RCOR1: variants seen among roughly 807,000 people sequenced by gnomAD.
RCOR1 encodes the protein REST corepressor.
RCOR1 carries 12 observed loss-of-function variants against 64.0 expected under a neutral mutation model. That is an observed-to-expected ratio of 0.19 (90% CI 0.12 to 0.30). The LOEUF is 0.30. Ranked by LOEUF, RCOR1 falls within the 10% of genes least tolerant of loss-of-function variation. The pLI is 1.00. For missense variants in RCOR1, 502 were observed against 621.2 expected, an observed-to-expected ratio of 0.81 and a Z score of 2.04; for synonymous variants, 279 against 227.2, an observed-to-expected ratio of 1.23 and a Z score of -2.05.
intron 5 of RCOR1, among the ~76,000 whole-genome samples, chr14:102,707,983 T>TTTA (rs1895888845): frequency 1.5e-5 from 2 of 133,646 alleles, no homozygotes; most frequent in Admixed American, 7.2e-5. Flanking sequence ...TTTTTTTTTT[T>TTTA]GAGATGGAGT....
At chr14:102,684,135 C>T (rs1354660005) in intron 3 of RCOR1, among the ~76,000 whole-genome samples, 2 of 152,210 alleles carry the variant, frequency 1.3e-5, no homozygotes, top group African/African-American at 4.8e-5. Context: ...CGGGAGGCCC[C>T]AGCACCCCTG....
chr14:102,718,609 G>A (rs1270560388), intron 8 of RCOR1, among the ~76,000 whole-genome samples: 1 of 152,080 alleles, frequency 6.6e-6, no homozygotes, highest in African/African-American at 2.4e-5. Flanking sequence ...GTCTAGGTAG[G>A]GCGTCAGGAC....
chr14:102,603,149 A>G (rs1439692388), intron 2 of RCOR1, among the ~76,000 whole-genome samples: 1 of 150,182 alleles, frequency 6.7e-6, no homozygotes, highest in East Asian at 2.0e-4. Context: ...GCGTGATCAT[A>G]GCGTACTGTA....
At chr14:102,634,956 C>T (rs1567416109) in intron 2 of RCOR1, among the ~76,000 whole-genome samples, 1 of 151,562 alleles carries the variant, frequency 6.6e-6, no homozygotes, top group Non-Finnish European at 1.5e-5. Context: ...GATCCGCCCA[C>T]CTCGGCCTCC....
intron 2 of RCOR1, among the ~76,000 whole-genome samples, chr14:102,639,290 G>T (rs1476674440): frequency 2.5e-5 from 3 of 121,364 alleles, no homozygotes; most frequent in Non-Finnish European, 5.1e-5. Flanking sequence ...TTTGAGACAA[G>T]ATCTCTTTTT....
intron 2 of RCOR1, chr14:102,649,760 G>A: frequency 1.0e-6 from 1 of 984,116 alleles, no homozygotes; most frequent in African/African-American, 1.7e-5. Flanking sequence ...CCATTTAGTT[G>A]CTTATATTAG....
chr14:102,679,520 C>T (rs1006733609), intron 2 of RCOR1, among the ~76,000 whole-genome samples: 4 of 151,546 alleles, frequency 2.6e-5, no homozygotes, highest in African/African-American at 9.7e-5. Flanking sequence ...GCTCTGTCAC[C>T]CAGGCTGGAG....
intron 2 of RCOR1, among the ~76,000 whole-genome samples, chr14:102,656,685 T>G (rs1389512251): frequency 6.6e-6 from 1 of 152,128 alleles, no homozygotes; most frequent in Non-Finnish European, 1.5e-5. Context: ...GCCAGGCTGG[T>G]CTTGAACTTC....
intron 2 of RCOR1, among the ~76,000 whole-genome samples, chr14:102,603,211 G>T (rs572714535): frequency 1.3e-5 from 2 of 152,004 alleles, no homozygotes; most frequent in African/African-American, 2.4e-5. Context: ...TTCTGGAGTA[G>T]TTTGGACTAC....
At chr14:102,629,696 A>G (rs1007287955) in intron 2 of RCOR1, among the ~76,000 whole-genome samples, 3 of 152,204 alleles carry the variant, frequency 2.0e-5, no homozygotes, top group Non-Finnish European at 4.4e-5. Context: ...ACAATTCTGA[A>G]GGCACCTTGC....
intron 6 of RCOR1, among the ~76,000 whole-genome samples, chr14:102,709,371 G>C (rs1212485804): frequency 6.6e-6 from 1 of 152,134 alleles, no homozygotes; most frequent in Non-Finnish European, 1.5e-5. Flanking sequence ...TGTTAGGGTG[G>C]TGAGATATAT....
At chr14:102,686,024 C>T (rs572274822) in intron 3 of RCOR1, among the ~76,000 whole-genome samples, 2 of 152,036 alleles carry the variant, frequency 1.3e-5, no homozygotes, top group Admixed American at 1.3e-4. Flanking sequence ...TCCCAGTTAC[C>T]CTGATTTGAT....
Position 102,667,027 on chromosome 14 carries a change from A to G in RCOR1, c.362-14868A>G, listed in dbSNP as rs765947073. Among the ~76,000 whole-genome samples the G allele has an allele frequency of 2.0e-4, 31 of 152,116 alleles. 1 individual carries two copies. Among genetic ancestry groups the G allele is most frequent in the Admixed American group, 1.4e-3 (21 of 15,278 alleles). ...CTCAGGAAGGACTTTTAACGTGGAA[A>G]GTGATTTGATCAGAATTATGTTCCA... On this transcript the variant is annotated intron_variant, in intron 2 of 11. Transcript: ENST00000262241.
chr14:102,599,334 G>A (rs1052153702), intron 2 of RCOR1, among the ~76,000 whole-genome samples: 7 of 152,092 alleles, frequency 4.6e-5, no homozygotes, highest in Non-Finnish European at 7.4e-5. Flanking sequence ...GTTTTGCCAC[G>A]TAGTCCAGGC....
At chr14:102,686,490 T>C (rs1895422781) in intron 3 of RCOR1, among the ~76,000 whole-genome samples, 1 of 152,214 alleles carries the variant, frequency 6.6e-6, no homozygotes, top group South Asian at 2.1e-4. Context: ...GCTTCACTCT[T>C]GTGTTGTATG....
intron 2 of RCOR1, among the ~76,000 whole-genome samples, chr14:102,614,099 T>G (rs1365992808): frequency 6.6e-6 from 1 of 151,826 alleles, no homozygotes; most frequent in East Asian, 1.9e-4. Flanking sequence ...TTCTCCATGT[T>G]GGTCAGGCTG....
At chr14:102,623,383 ATTTATTAT>A (rs1473836504) in intron 2 of RCOR1, among the ~76,000 whole-genome samples, 4 of 125,388 alleles carry the variant, frequency 3.2e-5, no homozygotes, top group African/African-American at 1.6e-4. Context: ...TCCTTTATTT[ATTTATTAT>A]TTATTTATTT....
intron 2 of RCOR1, among the ~76,000 whole-genome samples, chr14:102,627,639 A>G (rs1441455741): frequency 6.6e-6 from 1 of 151,654 alleles, no homozygotes; most frequent in Non-Finnish European, 1.5e-5. Context: ...CCTGGGCGAC[A>G]GAGTGAGACT....
chr14:102,719,873 T>A (rs1346492216), intron 8 of RCOR1, among the ~76,000 whole-genome samples: 1 of 152,210 alleles, frequency 6.6e-6, no homozygotes, highest in Non-Finnish European at 1.5e-5. Context: ...ACCTTGACTT[T>A]TTCCTGCCAA....
Sources: allele counts gnomAD v4.1 joint callset (sites outside exome capture counted in the v4.1 genomes callset), GRCh38; gene constraint gnomAD v4.1.1; transcripts MANE v1.5; gene names NCBI Gene and HGNC (gene_info 2026-07-23, HGNC 2026-07-21).